MTHFD1L: variants seen among roughly 807,000 people sequenced by gnomAD.
MTHFD1L encodes methylenetetrahydrofolate dehydrogenase (NADP+ dependent) 1 like.
In MTHFD1L, 81 loss-of-function variants were observed where a neutral mutation model predicts 119.5. That is an observed-to-expected ratio of 0.68 (90% confidence interval 0.57 to 0.82). MTHFD1L has a LOEUF of 0.82. MTHFD1L is among the 40% of genes least tolerant of loss of function. The pLI, the probability that MTHFD1L is intolerant of heterozygous loss-of-function variation, is 0.00. For synonymous variants in MTHFD1L, 430 were observed against 475.2 expected (o/e 0.90, Z 1.24); for missense variants, 1,125 against 1,253.4 (o/e 0.90, Z 1.55).
chr6:150,897,412 A>C (rs1203304362), intron 7 of MTHFD1L, among the ~76,000 whole-genome samples: 1 of 152,204 alleles, frequency 6.6e-6, no homozygotes, highest in African/African-American at 2.4e-5. Flanking sequence ...TCTCATAGAT[A>C]TAATAGTATA....
At chr6:151,047,539 C>G (rs1367712616) in intron 26 of MTHFD1L, among the ~76,000 whole-genome samples, 1 of 152,172 alleles carries the variant, frequency 6.6e-6, no homozygotes, top group Non-Finnish European at 1.5e-5. Flanking sequence ...GGGGTTTCTG[C>G]ATTAAGTACG....
chr6:151,009,973 C>T lies in MTHFD1L; in HGVS notation c.2265+15C>T, dbSNP rs200336578. 5.6e-5 allele frequency: 89 copies of T among 1,581,662 alleles called. 2 individuals are homozygous for T. In the East Asian group the frequency reaches 1.9e-3, roughly 33 times the overall value. On this transcript the variant is annotated intron_variant, in intron 21 of 27. Coordinates refer to ENST00000367321, the MANE Select transcript of MTHFD1L (RefSeq NM_015440.5). Reference sequence around the variant, plus strand: ...GCGGGCCAAGTGTAAGTGCCCACACCGCCTTCCTAATACCAAAGAAATTTC... The same window carrying T: ...GCGGGCCAAGTGTAAGTGCCCACACTGCCTTCCTAATACCAAAGAAATTTC...
chr6:150,931,980 G>A (rs1791116719), intron 11 of MTHFD1L, among the ~76,000 whole-genome samples: 1 of 151,848 alleles, frequency 6.6e-6, no homozygotes, highest in Admixed American at 6.6e-5. Context: ...TGGCCAACAT[G>A]GTGAAACCCT....
chr6:151,081,498 C>CAAAAAAAAAAAA (rs56795003), intron 26 of MTHFD1L, among the ~76,000 whole-genome samples: 14 of 98,152 alleles, frequency 1.4e-4, no homozygotes, highest in East Asian at 2.5e-4. Context: ...ACTAAAAATG[C>CAAAAAAAAAAAA]AAAAAAAAAA....
At chr6:151,095,323 T>C (rs1381449019) in intron 27 of MTHFD1L, among the ~76,000 whole-genome samples, 1 of 152,222 alleles carries the variant, frequency 6.6e-6, no homozygotes, top group Non-Finnish European at 1.5e-5. Context: ...TTTCCCCAAT[T>C]GCTAGTTGGC....
At chr6:150,905,073 T>G (rs1417878913) in intron 7 of MTHFD1L, among the ~76,000 whole-genome samples, 1 of 137,370 alleles carries the variant, frequency 7.3e-6, no homozygotes, top group Non-Finnish European at 1.5e-5. Flanking sequence ...AGGGTCTCGC[T>G]CTGTTGTTGG....
At chr6:150,866,777 G>C in intron 1 of MTHFD1L, 1 of 872,378 alleles carries the variant, frequency 1.1e-6, no homozygotes, top group Non-Finnish European at 1.4e-6. Flanking sequence ...CGAACTGGGA[G>C]CCCCGGGCCC....
chr6:150,950,166 C>T lies in MTHFD1L; in HGVS notation c.1726+1033C>T, dbSNP rs114517411. ...TGTGATCAGAGGCCTCCAGTGGCTC[C>T]CCACATCCTGGGTGATACAGTTGCC... On this transcript the variant is annotated intron_variant, in intron 16 of 27. Transcript: ENST00000367321. Among the ~76,000 whole-genome samples the T allele has an allele frequency of 5.6e-3, 848 of 152,322 alleles. 7 individuals are homozygous for T. Among genetic ancestry groups the T allele is most frequent in the African/African-American group, 0.019 (807 of 41,572 alleles).
rs141765727 is a variant in MTHFD1L, at chr6:151,065,592, A to G, written c.2848-26875A>G. 2.6e-5 allele frequency among the ~76,000 whole-genome samples: 4 copies of G among 152,308 alleles called. No homozygotes were observed. In the East Asian group the frequency reaches 7.7e-4, roughly 29 times the overall value. Reference sequence around the variant, plus strand: ...ACTGGGAGTGATGCCTTCTGTTCACAGTGTGATCTGCTTCATACTCAAAAC... The same window carrying G: ...ACTGGGAGTGATGCCTTCTGTTCACGGTGTGATCTGCTTCATACTCAAAAC... On this transcript the variant is annotated intron_variant, in intron 26 of 27. Transcript: ENST00000367321.
At chr6:150,993,493 T>C (rs1779331704) in intron 20 of MTHFD1L, among the ~76,000 whole-genome samples, 1 of 152,090 alleles carries the variant, frequency 6.6e-6, no homozygotes, top group Non-Finnish European at 1.5e-5. Context: ...TGTATTTTTA[T>C]TAGAGACGAG....
chr6:150,999,294 C>T (rs1780272442), intron 20 of MTHFD1L, among the ~76,000 whole-genome samples: 1 of 152,036 alleles, frequency 6.6e-6, no homozygotes, highest in African/African-American at 2.4e-5. Flanking sequence ...TGTCATCTTT[C>T]CATTATTTTG....
chr6:150,890,053 G>T (rs1014407142), intron 7 of MTHFD1L, among the ~76,000 whole-genome samples: 8 of 152,054 alleles, frequency 5.3e-5, no homozygotes, highest in African/African-American at 1.9e-4. Flanking sequence ...CTATTCAGGA[G>T]GCTGAGGCAG....
Position 150,971,999 on chromosome 6 carries a change from A to G in MTHFD1L, c.2066A>G (p.Asn689Ser), listed in dbSNP as rs906264238. Residue 689 changes from asparagine (N) to serine (S), a missense_variant, in exon 20 of 28, where the codon AAC becomes AGC. Asn to Ser is a conservative substitution (Grantham distance 46). Transcript: ENST00000367321. ...CCTTTTGCTAACATTGCTCACGGCAACTCTTCAGTGTTGGCTGATAAAATT... is the reference window on the plus strand; with the variant it reads ...CCTTTTGCTAACATTGCTCACGGCAGCTCTTCAGTGTTGGCTGATAAAATT... ...AGPFANIAHGNSSVLADKIAL... is the reference protein window; with the variant it reads ...AGPFANIAHGSSSVLADKIAL... The G allele has an allele frequency of 4.3e-6, 7 of 1,613,592 alleles. No individual in the cohort carries two copies. In the Middle Eastern group the frequency reaches 8.2e-4, roughly 189 times the overall value.
intron 21 of MTHFD1L, 31 bp downstream of exon 21, chr6:151,009,989 A>C (rs781607532): frequency 6.5e-7 from 1 of 1,545,300 alleles, no homozygotes; most frequent in Admixed American, 2.3e-5. Context: ...CCTAATACCA[A>C]AGAAATTTCA....
At chr6:151,023,110 G>A (rs1292252728) in intron 24 of MTHFD1L, among the ~76,000 whole-genome samples, 1 of 149,758 alleles carries the variant, frequency 6.7e-6, no homozygotes, top group African/African-American at 2.5e-5. Context: ...GCATTGGCAC[G>A]ATCTCGGCTC....
chr6:150,981,601 T>A (rs1168734688), intron 20 of MTHFD1L, among the ~76,000 whole-genome samples: 2 of 152,218 alleles, frequency 1.3e-5, no homozygotes, highest in African/African-American at 4.8e-5. Context: ...TCATAAATAG[T>A]TTGGGTCACA....
At chr6:150,890,151 C>T (rs1021278913) in intron 7 of MTHFD1L, among the ~76,000 whole-genome samples, 5 of 151,480 alleles carry the variant, frequency 3.3e-5, no homozygotes, top group African/African-American at 1.2e-4. Flanking sequence ...AACGAAACTC[C>T]GTCTCAAAAA....
In MTHFD1L at chr6:150,877,740, A is replaced by T. The variant is rs763998671; in HGVS notation, c.364-33A>T. ...ATAACTTTTAACAATACATTCTCTTATAGTGACGAATAACCTTGTGTTCCT... is the reference window on the plus strand; with the variant it reads ...ATAACTTTTAACAATACATTCTCTTTTAGTGACGAATAACCTTGTGTTCCT... On this transcript the variant is annotated intron_variant, in intron 3 of 27. Coordinates refer to ENST00000367321, the MANE Select transcript of MTHFD1L (RefSeq NM_015440.5). The T allele has an allele frequency of 1.1e-5, 18 of 1,614,224 alleles. 1 individual carries two copies. In the East Asian group the frequency reaches 4.0e-4, roughly 36 times the overall value.
intron 25 of MTHFD1L, among the ~76,000 whole-genome samples, chr6:151,036,145 C>T (rs1296964823): frequency 1.3e-5 from 2 of 152,204 alleles, no homozygotes; most frequent in East Asian, 1.9e-4. Flanking sequence ...CAACCGGGCA[C>T]GGTGCTCACA....
Sources: allele counts gnomAD v4.1 joint callset (sites outside exome capture counted in the v4.1 genomes callset), GRCh38; gene constraint gnomAD v4.1.1; transcripts MANE v1.5; gene names NCBI Gene and HGNC (gene_info 2026-07-23, HGNC 2026-07-21).